LMAN1: variants seen among roughly 807,000 people sequenced by gnomAD.
LMAN1 encodes the protein lectin, mannose binding 1, also known as protein ERGIC-53.
Under a neutral mutation model 67.8 loss-of-function variants are expected in LMAN1, and 32 were observed. The observed-to-expected ratio is 0.47, with a 90% CI of 0.36 to 0.63. The LOEUF (loss-of-function observed/expected upper bound fraction) is 0.63. Ranked by LOEUF, LMAN1 falls within the 30% of genes least tolerant of loss-of-function variation. The probability of loss-of-function intolerance (pLI) is 0.00; values close to 1 mark genes in which losing one functional copy is unlikely to be tolerated. For missense variants in LMAN1, 632 were observed against 628.2 expected, an observed-to-expected ratio of 1.01 and a Z score of -0.06; for synonymous variants, 235 against 219.3, an observed-to-expected ratio of 1.07 and a Z score of -0.63.
Position 59,355,404 on chromosome 18 carries a change from T to C in LMAN1, c.386A>G (p.Glu129Gly). The part of the protein sequence containing the change: ...GADGLAIWYA[E>G]NQGLEGPVFG... Reference sequence around the variant, plus strand: ...CACAGGGCCCTCCAAGCCTTGATTTTCTGCATACCAAATTGCCTGAAAATA... The same window carrying C: ...CACAGGGCCCTCCAAGCCTTGATTTCCTGCATACCAAATTGCCTGAAAATA... Residue 129 changes from glutamate (E) to glycine (G), a missense_variant, in exon 3 of 13, where the codon GAA becomes GGA. By Grantham distance (98) the Glu-to-Gly change is moderately conservative (BLOSUM62 -2). Coordinates refer to ENST00000251047, the MANE Select transcript of LMAN1 (RefSeq NM_005570.4). The C allele has an allele frequency of 6.2e-7, 1 of 1,614,114 alleles. No homozygotes were observed. Among genetic ancestry groups the C allele is most frequent in the South Asian group, 1.1e-5 (1 of 91,076 alleles).
intron 1 of LMAN1, among the ~76,000 whole-genome samples, chr18:59,355,925 T>C (rs1908651995): frequency 6.7e-6 from 1 of 149,928 alleles, no homozygotes; most frequent in Non-Finnish European, 1.5e-5. Context: ...AGGCAAACTA[T>C]CTGAGTCTCA....
chr18:59,340,436 A>C (rs1908261700), intron 8 of LMAN1, among the ~76,000 whole-genome samples: 1 of 152,150 alleles, frequency 6.6e-6, no homozygotes, highest in South Asian at 2.1e-4. Context: ...TTAACAGCAG[A>C]CTTTTCAGCA....
chr18:59,329,965 C>T lies in LMAN1; in HGVS notation c.*1128G>A, dbSNP rs1449435748. 1 of 152,106 alleles carries T rather than the reference C, an allele frequency of 6.6e-6. No individual in the cohort carries two copies. The highest frequency in any genetic ancestry group is 1.5e-5 in the Non-Finnish European group (1 of 67,988). 9.4% of individuals were successfully genotyped at this position (152,106 alleles called of 1,614,324 possible). ...TTTCTGTAATACCTAGAAGTATGCA[C>T]AAAGACTATAAAAACTCCTTCCAGT... On this transcript the variant is annotated 3_prime_UTR_variant, in exon 13 of 13. Coordinates refer to ENST00000251047, the MANE Select transcript of LMAN1 (RefSeq NM_005570.4).
chr18:59,340,670 AT>A (rs1293740927), intron 8 of LMAN1, among the ~76,000 whole-genome samples: 1 of 152,208 alleles, frequency 6.6e-6, no homozygotes, highest in East Asian at 1.9e-4. Flanking sequence ...AAAGGGCAAT[AT>A]TCACCATGAT....
At chr18:59,348,113 A>G (rs1255218077) in intron 6 of LMAN1, among the ~76,000 whole-genome samples, 1 of 152,208 alleles carries the variant, frequency 6.6e-6, no homozygotes, top group Non-Finnish European at 1.5e-5. Flanking sequence ...ACCTAAAATC[A>G]TATCAAAAAA....
rs750915639 is a variant in LMAN1, at chr18:59,347,480, TGA to T, written c.822+31_822+32del. On this transcript the variant is annotated intron_variant, in intron 7 of 12. Transcript: ENST00000251047. ...CGTTCAGCTAAAAGGCAAACTAAAC[TGA>T]TAAAGTTTTTGAAAATATGTGTAAA... 3.3e-5 allele frequency: 50 copies of T among 1,532,142 alleles called. No individual in the cohort carries two copies. The African/African-American group carries it at 6.4e-4, about 20-fold the overall frequency. The allele number at this position is 1,532,142 out of a possible 1,614,324, so 94.9% of individuals were successfully genotyped here. A position where few individuals can be genotyped will look rare whatever the true frequency, so the allele number is the denominator to read the frequency against.
Position 59,330,905 on chromosome 18 carries a change from T to C in LMAN1, c.*188A>G. On this transcript the variant is annotated 3_prime_UTR_variant, in exon 13 of 13. Coordinates refer to ENST00000251047, the MANE Select transcript of LMAN1 (RefSeq NM_005570.4). Reference sequence around the variant, plus strand: ...TCACTGAAATTTAGACAGATTTACATACTGTGAACAAATTAAAATGTGGTT... The same window carrying C: ...TCACTGAAATTTAGACAGATTTACACACTGTGAACAAATTAAAATGTGGTT... 1 of 595,444 alleles carries C rather than the reference T, an allele frequency of 1.7e-6. No individual in the cohort carries two copies. Among genetic ancestry groups the C allele is most frequent in the Non-Finnish European group, 3.0e-6 (1 of 331,778 alleles). The allele number at this position is 595,444 out of a possible 1,614,324, so 36.9% of individuals were successfully genotyped here.
rs2070742646 is a variant in LMAN1 at position 59,330,753 on chromosome 18, T to C, written c.*340A>G. ...GGCATGAGGGCAAGTGTGTTTACGT[T>C]ATACAGGGAAACCTGCAATATTGGA... is the stretch of plus-strand genomic sequence containing the variant. On this transcript the variant is annotated 3_prime_UTR_variant, in exon 13 of 13. Transcript: ENST00000251047. The C allele has an allele frequency of 1.2e-5, 3 of 258,442 alleles. No individual in the cohort carries two copies. The highest frequency in any genetic ancestry group is 2.2e-5 in the Non-Finnish European group (3 of 135,392). The allele number at this position is 258,442 out of a possible 1,614,324, so 16.0% of individuals were successfully genotyped here. A position where few individuals can be genotyped will look rare whatever the true frequency, so the allele number is the denominator to read the frequency against.
In LMAN1 at chr18:59,342,738, A is replaced by G. The variant is rs185357578; in HGVS notation, c.955+3181T>C. On this transcript the variant is annotated intron_variant, in intron 8 of 12. Coordinates refer to ENST00000251047, the MANE Select transcript of LMAN1 (RefSeq NM_005570.4). The stretch of plus-strand genomic sequence containing the variant: ...AAACATTCCCTTTAAGAACTGGAAC[A>G]AGACAAGGATGCCACTTTTATCACT... Among the ~76,000 whole-genome samples, 800 of 152,230 alleles carry G rather than the reference A, an allele frequency of 5.3e-3. 2 individuals carry two copies. Among genetic ancestry groups the G allele is most frequent in the South Asian group, 0.027 (131 of 4,816 alleles).
At chr18:59,338,496 A>C in intron 10 of LMAN1, 61 bp downstream of exon 10, 1 of 1,336,664 alleles carries the variant, frequency 7.5e-7, no homozygotes, top group Non-Finnish European at 1.1e-6. Flanking sequence ...GCACACCTGA[A>C]GTCACAAATT....
intron 5 of LMAN1, 197 bp downstream of exon 5, chr18:59,353,005 G>A (rs1229120173): frequency 3.5e-6 from 2 of 566,216 alleles, no homozygotes; most frequent in Admixed American, 4.7e-5. Flanking sequence ...TGACTAAATG[G>A]AAACATACCA....
intron 10 of LMAN1, among the ~76,000 whole-genome samples, chr18:59,336,985 T>C (rs1260413602): frequency 6.6e-6 from 1 of 151,814 alleles, no homozygotes; most frequent in African/African-American, 2.4e-5. Context: ...CAATGGATGC[T>C]AAAATGAATG....
intron 1 of LMAN1, among the ~76,000 whole-genome samples, chr18:59,358,712 T>G (rs751117900): frequency 3.3e-5 from 5 of 152,056 alleles, no homozygotes; most frequent in African/African-American, 1.2e-4. Context: ...GAAGCAAGTT[T>G]GAGTGCTAGG....
At chr18:59,337,787 C>T (rs1908192645) in intron 10 of LMAN1, among the ~76,000 whole-genome samples, 1 of 152,110 alleles carries the variant, frequency 6.6e-6, no homozygotes, top group African/African-American at 2.4e-5. Context: ...AGTTAAGTGC[C>T]TTTAATCTCT....
chr18:59,338,235 G>A (rs949032464), intron 10 of LMAN1, among the ~76,000 whole-genome samples: 1 of 152,012 alleles, frequency 6.6e-6, no homozygotes, highest in African/African-American at 2.4e-5. Context: ...TCATAAAAGT[G>A]TTATATATTA....
intron 10 of LMAN1, among the ~76,000 whole-genome samples, chr18:59,336,513 A>T (rs938892076): frequency 6.6e-6 from 1 of 152,216 alleles, no homozygotes; most frequent in Non-Finnish European, 1.5e-5. Context: ...TAACTAAATA[A>T]ATAAATGGGA....
At chr18:59,334,048 A>C (rs189041898) in intron 10 of LMAN1, among the ~76,000 whole-genome samples, 1 of 152,364 alleles carries the variant, frequency 6.6e-6, no homozygotes, top group Non-Finnish European at 1.5e-5. Flanking sequence ...ATGCTCAAGA[A>C]AATTCCTGTG....
chr18:59,331,668 C>T, intron 11 of LMAN1, 129 bp from the exon 12 acceptor site: 2 of 1,014,852 alleles, frequency 2.0e-6, no homozygotes, highest in South Asian at 1.5e-5. Context: ...CCCCAGAAAA[C>T]CTTCTATCCC....
At chr18:59,335,226 G>A (rs1255586142) in intron 10 of LMAN1, among the ~76,000 whole-genome samples, 6 of 152,116 alleles carry the variant, frequency 3.9e-5, no homozygotes, top group African/African-American at 1.4e-4. Context: ...CTGAGGTCAG[G>A]AGTTCGAGAC....
Sources: allele counts gnomAD v4.1 joint callset (sites outside exome capture counted in the v4.1 genomes callset), GRCh38; gene constraint gnomAD v4.1.1; transcripts MANE v1.5; gene names NCBI Gene and HGNC (gene_info 2026-07-23, HGNC 2026-07-21).